Variants in OPHN1 observed in about 807,000 individuals in gnomAD.
OPHN1 encodes the protein oligophrenin 1, also known as oligophrenin-1.
OPHN1 carries 11 observed loss-of-function variants against 60.7 expected under a neutral mutation model. The observed-to-expected ratio is 0.18, with a 90% CI of 0.11 to 0.30. OPHN1 has a LOEUF of 0.30. Ranked by LOEUF, OPHN1 falls within the 10% of genes least tolerant of loss-of-function variation. OPHN1 has a pLI of 1.00. For missense variants in OPHN1, 449 were observed against 611.0 expected, an observed-to-expected ratio of 0.73 and a Z score of 2.80; for synonymous variants, 226 against 222.6, an observed-to-expected ratio of 1.02 and a Z score of -0.14.
chrX:68,136,081 C>G (rs1357782843), intron 15 of OPHN1, among the ~76,000 whole-genome samples: 2 of 110,655 alleles, frequency 1.8e-5, no homozygotes, highest in Non-Finnish European at 3.8e-5. Context: ...ACGTGTTGTG[C>G]TGGAATCTGT....
intron 6 of OPHN1, among the ~76,000 whole-genome samples, chrX:68,230,032 T>A (rs1055077332): frequency 8.9e-6 from 1 of 111,947 alleles, no homozygotes; most frequent in African/African-American, 3.3e-5. Context: ...AGGGCGAATA[T>A]CCAGAATCTA....
At position 68,392,790 on chromosome X, in the gene OPHN1, A is replaced by C. The variant is rs189806146; in HGVS notation, c.154+40077T>G. 1.5e-3 allele frequency among the ~76,000 whole-genome samples: 160 copies of C among 108,911 alleles called. 1 individual carries two copies. Among genetic ancestry groups the C allele is most frequent in the African/African-American group, 5.0e-3 (149 of 29,921 alleles). The allele number at this position is 108,911 out of a possible 115,157, so 94.6% of individuals were successfully genotyped here. ...GGAGTTCAGCTGGGAGTGGTCAGAG[A>C]AGAGTTTGGCTGCTGGACAGCCAAA... On this transcript the variant is annotated intron_variant, in intron 2 of 24. Coordinates refer to ENST00000355520, the MANE Select transcript of OPHN1 (RefSeq NM_002547.3).
At chrX:68,298,509 A>C (rs2078105571) in intron 3 of OPHN1, among the ~76,000 whole-genome samples, 1 of 111,670 alleles carries the variant, frequency 9.0e-6, no homozygotes, top group Non-Finnish European at 1.9e-5. Context: ...TGAGACTCAG[A>C]GACAGAAATA....
At chrX:68,079,809 C>T (rs370983906) in intron 19 of OPHN1, among the ~76,000 whole-genome samples, 25 of 111,944 alleles carry the variant, frequency 2.2e-4, no homozygotes, top group East Asian at 1.1e-3. Flanking sequence ...TAAAACAATG[C>T]CAATGTCCAA....
intron 20 of OPHN1, among the ~76,000 whole-genome samples, chrX:68,068,209 T>C (rs1415855647): frequency 9.0e-6 from 1 of 110,658 alleles, no homozygotes; most frequent in African/African-American, 3.3e-5. Flanking sequence ...CAGTGGCTCA[T>C]GCCTGTAATC....
chrX:68,230,303 T>G (rs1177096843), intron 6 of OPHN1, among the ~76,000 whole-genome samples: 1 of 111,701 alleles, frequency 9.0e-6, no homozygotes, highest in Non-Finnish European at 1.9e-5. Flanking sequence ...GGAACACTTT[T>G]ACACTGTTGG....
intron 2 of OPHN1, among the ~76,000 whole-genome samples, chrX:68,389,047 C>T (rs1017936448): frequency 3.7e-5 from 4 of 107,574 alleles, no homozygotes; most frequent in South Asian, 8.6e-4. Context: ...CTTGACCTCC[C>T]GAGCTCAAGC....
At chrX:68,096,197 A>C (rs1356092424) in intron 19 of OPHN1, among the ~76,000 whole-genome samples, 1 of 111,414 alleles carries the variant, frequency 9.0e-6, no homozygotes, top group African/African-American at 3.3e-5. Context: ...GAAGGAAAAG[A>C]ACATCCCTAT....
intron 2 of OPHN1, among the ~76,000 whole-genome samples, chrX:68,340,436 A>T (rs1303605618): frequency 8.9e-6 from 1 of 112,168 alleles, no homozygotes; most frequent in Non-Finnish European, 1.9e-5. Flanking sequence ...TTTTCAAAAA[A>T]ATGTCACAAC....
At chrX:68,252,274 C>T (rs1342851796) in intron 5 of OPHN1, among the ~76,000 whole-genome samples, 1 of 112,356 alleles carries the variant, frequency 8.9e-6, no homozygotes, top group Non-Finnish European at 1.9e-5. Context: ...TTGCTTTATG[C>T]CACTGAATTT....
At chrX:68,352,459 T>G (rs1016544170) in intron 2 of OPHN1, among the ~76,000 whole-genome samples, 1 of 110,836 alleles carries the variant, frequency 9.0e-6, no homozygotes, top group Non-Finnish European at 1.9e-5. Flanking sequence ...GCCCAATGAT[T>G]TGCTATGCAT....
rs144151285 is a variant in OPHN1 at position 68,210,903 on chromosome X, G to C, written c.703-621C>G. Among the ~76,000 whole-genome samples, 581 of 111,366 alleles carry C rather than the reference G, an allele frequency of 5.2e-3. 4 individuals are homozygous for C. Among genetic ancestry groups the C allele is most frequent in the African/African-American group, 0.018 (555 of 30,699 alleles). ...ACTACAGATAAGTTTTTAGTACCCA[G>C]TCTTAAAATTATGACATGATGTTAG... is the stretch of plus-strand genomic sequence containing the variant. On this transcript the variant is annotated intron_variant, in intron 8 of 24. Coordinates refer to ENST00000355520, the MANE Select transcript of OPHN1 (RefSeq NM_002547.3).
intron 2 of OPHN1, among the ~76,000 whole-genome samples, chrX:68,393,587 T>G (rs2078664682): frequency 8.9e-6 from 1 of 112,187 alleles, no homozygotes. Context: ...ATATACAAAT[T>G]GGAGTTTCAT....
At chrX:68,107,348 T>C (rs1407272140) in intron 18 of OPHN1, among the ~76,000 whole-genome samples, 1 of 111,812 alleles carries the variant, frequency 8.9e-6, no homozygotes, top group Non-Finnish European at 1.9e-5. Context: ...TCCAAGCCTT[T>C]TCAAAAGCTT....
At chrX:68,213,189 T>C (rs770418192) in intron 7 of OPHN1, among the ~76,000 whole-genome samples, 27 of 111,261 alleles carry the variant, frequency 2.4e-4, no homozygotes, top group African/African-American at 8.8e-4. Flanking sequence ...GGCAACATGG[T>C]GAAACCTTAT....
At chrX:68,202,421 CCT>C (rs1306612721) in intron 10 of OPHN1, among the ~76,000 whole-genome samples, 4 of 111,640 alleles carry the variant, frequency 3.6e-5, no homozygotes, top group African/African-American at 1.3e-4. Context: ...GTTCAGATTC[CCT>C]CTCTTATCTC....
intron 15 of OPHN1, among the ~76,000 whole-genome samples, chrX:68,171,338 G>A (rs1269941991): frequency 1.8e-5 from 2 of 111,359 alleles, no homozygotes; most frequent in Admixed American, 9.6e-5. Flanking sequence ...GAAAGAAAGA[G>A]AAAATGAAAA....
intron 5 of OPHN1, among the ~76,000 whole-genome samples, chrX:68,243,631 G>A (rs1029118223): frequency 9.9e-5 from 11 of 111,275 alleles, no homozygotes; most frequent in African/African-American, 1.6e-4. Flanking sequence ...CGAGTAATCC[G>A]CCCGTCTTGG....
intron 19 of OPHN1, 120 bp downstream of exon 19, chrX:68,096,750 C>G (rs1260906890): frequency 1.4e-6 from 1 of 704,417 alleles, no homozygotes; most frequent in Non-Finnish European, 2.3e-6. Flanking sequence ...GTCATTGTGT[C>G]ATAATGGGAT....
Sources: gnomAD v4.1 joint callset for allele counts (sites outside exome capture counted in the v4.1 genomes callset) on GRCh38, gnomAD v4.1.1 for gene constraint, MANE v1.5 for transcripts, NCBI Gene and HGNC (gene_info 2026-07-23, HGNC 2026-07-21) for gene names.